PGS1: variants seen among roughly 807,000 people sequenced by gnomAD.
PGS1 encodes the protein phosphatidylglycerophosphate synthase 1.
In PGS1, 44 loss-of-function variants were observed where a neutral mutation model predicts 58.3. That is an observed-to-expected ratio of 0.75 (90% confidence interval 0.59 to 0.97). The LOEUF is 0.97. PGS1 is among the 50% of genes least tolerant of loss of function. The probability of loss-of-function intolerance (pLI) is 0.00; values close to 1 mark genes in which losing one functional copy is unlikely to be tolerated. For missense variants in PGS1, 684 were observed against 731.1 expected (o/e 0.94, Z 0.74); for synonymous variants, 330 against 311.0 (o/e 1.06, Z -0.64).
intron 9 of PGS1, chr17:78,421,606 G>A (rs561148089): frequency 2.0e-5 from 3 of 152,374 alleles, no homozygotes; most frequent in East Asian, 1.9e-4. Flanking sequence ...GTGTCCTGTG[G>A]GACAATTAGA....
At chr17:78,386,887 A>G (rs2082421250) in intron 1 of PGS1, among the ~76,000 whole-genome samples, 1 of 152,310 alleles carries the variant, frequency 6.6e-6, no homozygotes, top group South Asian at 2.1e-4. Context: ...AGCGAGCAGT[A>G]TAGTTTCAGA....
At chr17:78,421,023 T>A (rs1161097614) in intron 9 of PGS1, 4 of 152,264 alleles carry the variant, frequency 2.6e-5, no homozygotes, top group South Asian at 4.1e-4. Context: ...ATTATTTGAC[T>A]TGAAGTCCAA....
intron 2 of PGS1, among the ~76,000 whole-genome samples, chr17:78,394,616 C>T (rs987599857): frequency 2.0e-5 from 3 of 151,820 alleles, no homozygotes; most frequent in Non-Finnish European, 2.9e-5. Flanking sequence ...AGTGCAATGG[C>T]ACGATCTCGG....
Position 78,378,689 on chromosome 17 carries a change from G to C in PGS1, c.24G>C (p.Ala8=). MAVAAAA[A]AGPVFWRRLL... ...CCATGGCGGTGGCGGCGGCAGCTGC[G>C]GCGGGACCCGTGTTCTGGAGGCGAC... Residue 8 remains alanine (A), a synonymous_variant, in exon 1 of 10, where the codon GCG becomes GCC. Transcript: ENST00000262764. 1 of 1,525,404 alleles carries C rather than the reference G, an allele frequency of 6.6e-7. No homozygotes were observed. Among genetic ancestry groups the C allele is most frequent in the Non-Finnish European group, 8.7e-7 (1 of 1,143,026 alleles). 94.5% of individuals were successfully genotyped at this position (1,525,404 alleles called of 1,614,324 possible). A position where few individuals can be genotyped will look rare whatever the true frequency, so the allele number is the denominator to read the frequency against.
At chr17:78,381,282 T>A (rs911656610) in intron 1 of PGS1, among the ~76,000 whole-genome samples, 6 of 152,154 alleles carry the variant, frequency 3.9e-5, no homozygotes, top group Non-Finnish European at 8.8e-5. Context: ...CTGAGAGAGA[T>A]GATTGTTTCT....
At chr17:78,410,635 A>G (rs1377482966) in intron 7 of PGS1, among the ~76,000 whole-genome samples, 12 of 151,780 alleles carry the variant, frequency 7.9e-5, no homozygotes, top group Admixed American at 2.0e-4. Context: ...CAGAATGCCC[A>G]GCTAGTTTTT....
At position 78,405,103 on chromosome 17, in the gene PGS1, T is replaced by C. The variant is rs1050957141; in HGVS notation, c.1402+1014T>C. On this transcript the variant is annotated intron_variant, in intron 7 of 9. Coordinates refer to ENST00000262764, the MANE Select transcript of PGS1 (RefSeq NM_024419.5). ...ACCTCTGCCTCCCGGGTTCAAATGATTCTTGTGCCTCAGCCTCCCTAGTAG... is the reference window on the plus strand; with the variant it reads ...ACCTCTGCCTCCCGGGTTCAAATGACTCTTGTGCCTCAGCCTCCCTAGTAG... Among the ~76,000 whole-genome samples the C allele has an allele frequency of 3.3e-5, 5 of 152,118 alleles. No individual in the cohort carries two copies. The South Asian group carries it at 1.0e-3, about 32-fold the overall frequency.
At chr17:78,411,221 C>CGCTGGG (rs2084661285) in intron 7 of PGS1, among the ~76,000 whole-genome samples, 2 of 152,016 alleles carry the variant, frequency 1.3e-5, no homozygotes, top group African/African-American at 4.8e-5. Flanking sequence ...ACAGCAGGGG[C>CGCTGGG]ACTGGGAGTG....
intron 7 of PGS1, among the ~76,000 whole-genome samples, chr17:78,404,313 G>C (rs1221344597): frequency 8.0e-6 from 1 of 124,570 alleles, no homozygotes; most frequent in Non-Finnish European, 1.6e-5. Flanking sequence ...TGACAGTCTT[G>C]CTCTGTTTCC....
intron 6 of PGS1, among the ~76,000 whole-genome samples, 169 bp downstream of exon 6, chr17:78,401,024 C>T (rs2146211177): frequency 6.6e-6 from 1 of 152,244 alleles, no homozygotes; most frequent in Non-Finnish European, 1.5e-5. Context: ...GACCATCAGT[C>T]ATGCTCTGTG....
intron 6 of PGS1, 135 bp from the exon 7 acceptor site, chr17:78,403,432 GC>G (rs759817864): frequency 1.0e-6 from 1 of 973,900 alleles, no homozygotes; most frequent in Non-Finnish European, 1.5e-6. Context: ...GGGGTCCTGG[GC>G]CCACTCAGCG....
intron 7 of PGS1, among the ~76,000 whole-genome samples, chr17:78,414,554 G>T (rs1242959173): frequency 6.6e-6 from 1 of 152,226 alleles, no homozygotes; most frequent in Admixed American, 6.5e-5. Context: ...TATGAGAGCA[G>T]GTCGGCAGGT....
intron 2 of PGS1, among the ~76,000 whole-genome samples, chr17:78,393,355 C>T (rs1016377661): frequency 5.3e-5 from 8 of 152,170 alleles, no homozygotes; most frequent in South Asian, 2.1e-4. Context: ...CCACCGCGCC[C>T]GGCCTAGACT....
chr17:78,388,336 A>G lies in PGS1; in HGVS notation c.144-4140A>G, dbSNP rs78699298. 5.1e-3 allele frequency among the ~76,000 whole-genome samples: 773 copies of G among 151,598 alleles called. 2 individuals are homozygous for G. Among genetic ancestry groups the G allele is most frequent in the Non-Finnish European group, 8.2e-3 (554 of 67,844 alleles). ...CCTGACACCTGTGTAGGCTCTGTGT[A>G]TGTGTGTTTTCTCTGGACTACTGAG... On this transcript the variant is annotated intron_variant, in intron 1 of 9. Transcript: ENST00000262764.
chr17:78,419,887 C>T, intron 9 of PGS1: 1 of 1,292,702 alleles, frequency 7.7e-7, no homozygotes, highest in Non-Finnish European at 9.9e-7. Flanking sequence ...CATCTGGTAC[C>T]CACTCCACTA....
chr17:78,385,573 G>A (rs574462567), intron 1 of PGS1, among the ~76,000 whole-genome samples: 4 of 152,314 alleles, frequency 2.6e-5, no homozygotes, highest in African/African-American at 9.6e-5. Context: ...ACAGGCGTGA[G>A]CCGCTGTGCC....
At chr17:78,404,427 C>T (rs954983061) in intron 7 of PGS1, among the ~76,000 whole-genome samples, 7 of 151,988 alleles carry the variant, frequency 4.6e-5, no homozygotes, top group African/African-American at 1.2e-4. Context: ...ACTACAGGCG[C>T]GTGCCACCAT....
At chr17:78,394,438 C>T (rs1174219688) in intron 2 of PGS1, among the ~76,000 whole-genome samples, 1 of 152,182 alleles carries the variant, frequency 6.6e-6, no homozygotes, top group African/African-American at 2.4e-5. Context: ...TCCCCTCTCA[C>T]CTGCCTCCCT....
intron 4 of PGS1, 71 bp from the exon 5 acceptor site, chr17:78,399,277 G>A (rs1394807611): frequency 1.6e-6 from 2 of 1,220,738 alleles, no homozygotes; most frequent in Admixed American, 1.8e-5. Flanking sequence ...GCCACGTGGA[G>A]GTGGCTCCTC....
Sources: gnomAD v4.1 joint callset for allele counts (sites outside exome capture counted in the v4.1 genomes callset) on GRCh38, gnomAD v4.1.1 for gene constraint, MANE v1.5 for transcripts, NCBI Gene and HGNC (gene_info 2026-07-23, HGNC 2026-07-21) for gene names.